Variants in ZCCHC14 observed in about 807,000 individuals in gnomAD.
ZCCHC14 encodes the protein zinc finger CCHC domain-containing protein 14.
Under a neutral mutation model 85.0 loss-of-function variants are expected in ZCCHC14, and 16 were observed. That is an observed-to-expected ratio of 0.19 (90% CI 0.13 to 0.29). ZCCHC14 has a LOEUF of 0.29. Among genes scored for constraint, ZCCHC14 ranks in the 10% least tolerant of loss-of-function variants. ZCCHC14 has a pLI of 1.00. For synonymous variants in ZCCHC14, 775 were observed against 630.7 expected, an observed-to-expected ratio of 1.23 and a Z score of -3.43; for missense variants, 1,303 against 1,443.5, an observed-to-expected ratio of 0.90 and a Z score of 1.58.
At chr16:87,452,002 G>C (rs75752330) in intron 2 of ZCCHC14, among the ~76,000 whole-genome samples, 2,474 of 152,374 alleles carry the variant, frequency 0.016, 25 homozygotes, top group Middle Eastern at 0.048. Flanking sequence ...GGCTGGGCAA[G>C]TGTGGGCTGA....
chr16:87,462,478 C>T (rs996089345), intron 1 of ZCCHC14, among the ~76,000 whole-genome samples: 2 of 152,154 alleles, frequency 1.3e-5, no homozygotes, highest in East Asian at 1.9e-4. Flanking sequence ...CAGTGGCTCA[C>T]GCCTGTAATC....
At chr16:87,463,223 AAC>A (rs924571364) in intron 1 of ZCCHC14, among the ~76,000 whole-genome samples, 9 of 152,164 alleles carry the variant, frequency 5.9e-5, no homozygotes, top group African/African-American at 2.2e-4. Flanking sequence ...TCTCTACAAA[AAC>A]ACAAAAATTA....
intron 4 of ZCCHC14, among the ~76,000 whole-genome samples, chr16:87,422,725 G>C (rs1909166732): frequency 6.6e-6 from 1 of 151,556 alleles, no homozygotes; most frequent in South Asian, 2.1e-4. Context: ...AACAGAGTGA[G>C]ACTCCATCTC....
At position 87,407,384 on chromosome 16, in the gene ZCCHC14, G is replaced by C. The variant is rs989605087; in HGVS notation, c.*2896C>G. ...TATTTTGTCTTTATTTTTATTACAA[G>C]TGCGCTAGCTCCCATTTCCTCAGTG... On this transcript the variant is annotated 3_prime_UTR_variant, in exon 13 of 13. Coordinates refer to ENST00000671377, the MANE Select transcript of ZCCHC14 (RefSeq NM_015144.3). The C allele has an allele frequency of 6.6e-6, 1 of 152,130 alleles. No homozygotes were observed. Among genetic ancestry groups the C allele is most frequent in the Non-Finnish European group, 1.5e-5 (1 of 68,020 alleles). 9.4% of individuals were successfully genotyped at this position (152,130 alleles called of 1,614,324 possible).
chr16:87,411,781 G>C lies in ZCCHC14; in HGVS notation c.2940C>G (p.Gly980=), dbSNP rs763627366. ...CGTGCACGACGGGGAAGGTGGAGCC[G>C]CCGCCGTACTGCTGGGCGCTGACGT... ...SGYVSAQQYG[G]GSTFPVVHAP... The change falls in exon 12 of 13, where the codon GGC becomes GGG. Residue 980 remains glycine, a synonymous_variant. Transcript: ENST00000671377. The C allele has an allele frequency of 6.2e-7, 1 of 1,610,734 alleles. No individual in the cohort carries two copies. Among genetic ancestry groups the C allele is most frequent in the Non-Finnish European group, 8.5e-7 (1 of 1,178,536 alleles).
rs562207541 is a variant in ZCCHC14 at position 87,438,453 on chromosome 16, T to C, written c.695-5252A>G. On this transcript the variant is annotated intron_variant, in intron 2 of 12. Transcript: ENST00000671377. ...TACTTTTTTAGATACAGAGAAAGTC[T>C]TCCAGCCAGTAGCAACTCACAGTTA... Among the ~76,000 whole-genome samples the C allele has an allele frequency of 2.1e-4, 32 of 152,354 alleles. No homozygotes were observed. The South Asian group carries it at 6.6e-3, about 32-fold the overall frequency.
At chr16:87,419,344 AT>A (rs1325418607) in intron 6 of ZCCHC14, among the ~76,000 whole-genome samples, 1 of 151,790 alleles carries the variant, frequency 6.6e-6, no homozygotes, top group Middle Eastern at 3.3e-3. Context: ...TCTGTCAACC[AT>A]GCTGGAGTGC....
In ZCCHC14 at chr16:87,423,765, G is replaced by A. The variant is rs750968072; in HGVS notation, c.840+45C>T. On this transcript the variant is annotated intron_variant, in intron 4 of 12. Transcript: ENST00000671377. ...CTCCGTGGTATCATCAGCCACTGGG[G>A]AATGTGATTCTTTTAATTTTTATAA... is the stretch of plus-strand genomic sequence containing the variant. 5.6e-6 allele frequency: 9 copies of A among 1,599,198 alleles called. No individual in the cohort carries two copies. In the Admixed American group the frequency reaches 1.2e-4, roughly 21 times the overall value.
At chr16:87,460,243 A>C in intron 1 of ZCCHC14, 112 bp from the exon 2 acceptor site, 1 of 1,353,994 alleles carries the variant, frequency 7.4e-7, no homozygotes, top group Non-Finnish European at 1.0e-6. Context: ...TTTTCTACAA[A>C]ACATGTATTA....
intron 2 of ZCCHC14, among the ~76,000 whole-genome samples, chr16:87,434,405 A>C (rs1030293579): frequency 6.6e-6 from 1 of 152,212 alleles, no homozygotes; most frequent in Admixed American, 6.5e-5. Flanking sequence ...GCCGAGCTTT[A>C]CACATAACTG....
intron 1 of ZCCHC14, among the ~76,000 whole-genome samples, chr16:87,489,384 CAT>C: frequency 6.6e-6 from 1 of 152,312 alleles, no homozygotes; most frequent in Non-Finnish European, 1.5e-5. Context: ...ATTTAGAACA[CAT>C]AAACGCTCAT....
chr16:87,467,307 G>A (rs931508563), intron 1 of ZCCHC14: 2 of 1,581,960 alleles, frequency 1.3e-6, no homozygotes, highest in African/African-American at 1.4e-5. Context: ...CCTCAATAAT[G>A]TAACACTGCC....
At chr16:87,478,616 T>TA (rs1912129601) in intron 1 of ZCCHC14, among the ~76,000 whole-genome samples, 1 of 151,786 alleles carries the variant, frequency 6.6e-6, no homozygotes. Context: ...TTACTAATTT[T>TA]TTTTTTTTTT....
chr16:87,442,639 T>C (rs191267925), intron 2 of ZCCHC14, among the ~76,000 whole-genome samples: 41 of 152,292 alleles, frequency 2.7e-4, no homozygotes, highest in Non-Finnish European at 2.9e-4. Context: ...GTGAGAGACA[T>C]AAGCCTATGC....
At chr16:87,455,300 G>A (rs982728395) in intron 2 of ZCCHC14, among the ~76,000 whole-genome samples, 2 of 145,178 alleles carry the variant, frequency 1.4e-5, no homozygotes, top group African/African-American at 2.5e-5. Context: ...CCCCGCCCCC[G>A]CAAAAAAAAA....
In ZCCHC14 at chr16:87,411,731, G is replaced by A; in HGVS notation, c.2990C>T (p.Pro997Leu). The change falls in exon 12 of 13, where the codon CCA becomes CTA. Residue 997 changes from proline (P) to leucine (L), a missense_variant. By Grantham distance (98) the Pro-to-Leu change is moderately conservative. Around this residue, in one of 7 missense-constraint regions of ZCCHC14, gnomAD observed 797 missense variants for 730.8 expected, o/e 1.09. Transcript: ENST00000671377. Reference sequence around the variant, plus strand: ...GGACTGCCCACTCAGGACAGGGTCTGGGGTCCCGCTGCTGCTGTAAGGGGC... The same window carrying A: ...GGACTGCCCACTCAGGACAGGGTCTAGGGTCCCGCTGCTGCTGTAAGGGGC... ...VHAPYSSSGT[P>L]DPVLSGQSTF... The A allele has an allele frequency of 6.2e-7, 1 of 1,613,934 alleles. No homozygotes were observed. The highest frequency in any genetic ancestry group is 8.5e-7 in the Non-Finnish European group (1 of 1,180,008).
At chr16:87,466,990 G>C (rs1911548717) in intron 1 of ZCCHC14, 1 of 372,292 alleles carries the variant, frequency 2.7e-6, no homozygotes, top group Non-Finnish European at 4.9e-6. Context: ...ACAAGCCCTG[G>C]AAAAGCCTCA....
chr16:87,459,898 T>C (rs902266294), intron 2 of ZCCHC14, 110 bp downstream of exon 2: 16 of 1,491,754 alleles, frequency 1.1e-5, no homozygotes, highest in African/African-American at 7.0e-5. Context: ...ACACATAAGA[T>C]TGGCATTTAT....
Position 87,487,473 on chromosome 16 carries a change from T to C in ZCCHC14, c.570+4196A>G, listed in dbSNP as rs112946773. 3.5e-3 allele frequency among the ~76,000 whole-genome samples: 538 copies of C among 152,278 alleles called. 2 individuals carry two copies. The highest frequency in any genetic ancestry group is 0.012 in the African/African-American group (489 of 41,562). On this transcript the variant is annotated intron_variant, in intron 1 of 12. Transcript: ENST00000671377. ...ACCAAATGCACCAGCCCGGAGGCTC[T>C]GTACTGACAGCACAGAGTTCCCTGC...
Sources: gnomAD v4.1 joint callset for allele counts (sites outside exome capture counted in the v4.1 genomes callset) on GRCh38, gnomAD v4.1.1 for gene constraint, gnomAD v4.1.1 regional missense constraint, MANE v1.5 for transcripts, NCBI Gene and HGNC (gene_info 2026-07-23, HGNC 2026-07-21) for gene names.